Variants in GOPC observed in about 807,000 individuals in gnomAD.
GOPC encodes the protein golgi associated PDZ and coiled-coil motif containing.
A neutral mutation model predicts 51.2 loss-of-function variants in GOPC; 32 were observed. The observed-to-expected ratio is 0.63, with a 90% CI of 0.47 to 0.84. GOPC has a LOEUF of 0.84. Ranked by LOEUF, GOPC falls within the 40% of genes least tolerant of loss-of-function variation. The probability of loss-of-function intolerance (pLI) is 0.00; values close to 1 mark genes in which losing one functional copy is unlikely to be tolerated. For synonymous variants in GOPC, 190 were observed against 205.1 expected, an observed-to-expected ratio of 0.93 and a Z score of 0.63; for missense variants, 441 against 555.5, an observed-to-expected ratio of 0.79 and a Z score of 2.07.
intron 8 of GOPC, 35 bp from the exon 9 acceptor site, chr6:117,563,419 C>A: frequency 6.2e-7 from 1 of 1,608,718 alleles, no homozygotes; most frequent in Non-Finnish European, 8.5e-7. Flanking sequence ...CAGACACTTT[C>A]TGGTTTAAAA....
At chr6:117,581,473 AAAAAG>A (rs942364906) in intron 1 of GOPC, among the ~76,000 whole-genome samples, 2 of 152,046 alleles carry the variant, frequency 1.3e-5, no homozygotes, top group African/African-American at 4.8e-5. Flanking sequence ...TGAAAAAAAA[AAAAAG>A]GGCAGTGCTA....
At chr6:117,566,734 GCT>G in intron 8 of GOPC, 118 bp downstream of exon 8, 1 of 584,346 alleles carries the variant, frequency 1.7e-6, no homozygotes, top group Non-Finnish European at 2.9e-6. Context: ...ACAAGGGAAA[GCT>G]CTTCATTCCT....
intron 1 of GOPC, among the ~76,000 whole-genome samples, chr6:117,598,136 A>C (rs1054240241): frequency 5.9e-5 from 9 of 151,334 alleles, no homozygotes; most frequent in African/African-American, 1.9e-4. Context: ...AGGCAGGAGG[A>C]TCTCTTGAGC....
intron 1 of GOPC, among the ~76,000 whole-genome samples, chr6:117,597,898 TA>T (rs954996187): frequency 2.3e-3 from 319 of 139,900 alleles, no homozygotes; most frequent in Middle Eastern, 7.2e-3. Context: ...ATGAAAAGAT[TA>T]AAAAAAAAAA....
In GOPC at chr6:117,561,193, A is replaced by C. The variant is rs889652531; in HGVS notation, c.*2061T>G. ...TTCTATTTATCAGTCCTTAAAAGGA[A>C]TTTATATCATGACAATCTCACACAA... is the stretch of plus-strand genomic sequence containing the variant. On this transcript the variant is annotated 3_prime_UTR_variant, in exon 9 of 9. Coordinates refer to ENST00000368498, the MANE Select transcript of GOPC (RefSeq NM_020399.4). The C allele has an allele frequency of 2.7e-5, 6 of 222,970 alleles. No homozygotes were observed. Among genetic ancestry groups the C allele is most frequent in the African/African-American group, 1.3e-4 (6 of 44,748 alleles). 13.8% of individuals were successfully genotyped at this position (222,970 alleles called of 1,614,324 possible). A position where few individuals can be genotyped will look rare whatever the true frequency, so the allele number is the denominator to read the frequency against.
chr6:117,597,919 T>C (rs561563742), intron 1 of GOPC, among the ~76,000 whole-genome samples: 9 of 151,586 alleles, frequency 5.9e-5, no homozygotes, highest in South Asian at 2.1e-4. Flanking sequence ...AAGTGGTATA[T>C]ATACACAAAG....
chr6:117,572,679 C>T (rs1451643713), intron 5 of GOPC, among the ~76,000 whole-genome samples: 1 of 152,168 alleles, frequency 6.6e-6, no homozygotes, highest in Admixed American at 6.5e-5. Context: ...CGCTCCATTT[C>T]CCAAATCTAC....
rs529742460 is a variant in GOPC at position 117,572,182 on chromosome 6, T to C, written c.817-1227A>G. Among the ~76,000 whole-genome samples the C allele has an allele frequency of 7.6e-4, 115 of 152,268 alleles. 3 individuals are homozygous for C. Among genetic ancestry groups the C allele is most frequent in the Admixed American group, 7.2e-4 (11 of 15,282 alleles). On this transcript the variant is annotated intron_variant, in intron 5 of 8. Coordinates refer to ENST00000368498, the MANE Select transcript of GOPC (RefSeq NM_020399.4). ...TTGTCTAAAACTGATCTCATCATCT[T>C]TTCCCCAAATCCTTCCTTTTCTTCT...
In GOPC at chr6:117,601,499, C is replaced by T. The variant is rs537348191; in HGVS notation, c.285+505G>A. On this transcript the variant is annotated intron_variant, in intron 1 of 8. Coordinates refer to ENST00000368498, the MANE Select transcript of GOPC (RefSeq NM_020399.4). ...ACAGTGATACTATCGTTATGCACCACGAAATTTTCCTAAGAGCTTTGATCA... is the reference window on the plus strand; with the variant it reads ...ACAGTGATACTATCGTTATGCACCATGAAATTTTCCTAAGAGCTTTGATCA... 7.9e-5 allele frequency among the ~76,000 whole-genome samples: 12 copies of T among 152,236 alleles called. No homozygotes were observed. The South Asian group carries it at 2.5e-3, about 32-fold the overall frequency.
At chr6:117,586,195 C>G (rs1281448333) in intron 1 of GOPC, among the ~76,000 whole-genome samples, 2 of 152,076 alleles carry the variant, frequency 1.3e-5, no homozygotes, top group African/African-American at 2.4e-5. Flanking sequence ...CATCCATCTA[C>G]TTTTCAAAAG....
intron 1 of GOPC, among the ~76,000 whole-genome samples, chr6:117,583,632 G>A (rs530813785): frequency 2.0e-4 from 30 of 152,028 alleles, no homozygotes; most frequent in Non-Finnish European, 3.7e-4. Context: ...AGTCGTCATC[G>A]CTCTCTTTGG....
At chr6:117,601,900 G>C in intron 1 of GOPC, 104 bp downstream of exon 1, 1 of 1,275,174 alleles carries the variant, frequency 7.8e-7, no homozygotes, top group Non-Finnish European at 1.1e-6. Flanking sequence ...TTGAAGCCCC[G>C]GTGGGCAGTT....
intron 1 of GOPC, among the ~76,000 whole-genome samples, chr6:117,590,222 G>T (rs1228254573): frequency 6.6e-6 from 1 of 152,154 alleles, no homozygotes; most frequent in Non-Finnish European, 1.5e-5. Context: ...ACAATCTGGG[G>T]ACAAAAAGAT....
chr6:117,567,662 T>C (rs990984357), intron 7 of GOPC, among the ~76,000 whole-genome samples: 6 of 152,054 alleles, frequency 3.9e-5, no homozygotes, highest in African/African-American at 1.4e-4. Flanking sequence ...ACTATATTTA[T>C]ATATTTACTA....
intron 7 of GOPC, among the ~76,000 whole-genome samples, chr6:117,567,390 TCAG>T (rs1779720151): frequency 6.6e-6 from 1 of 152,178 alleles, no homozygotes; most frequent in Non-Finnish European, 1.5e-5. Context: ...ACACAGCAAT[TCAG>T]CAAATACATC....
Position 117,570,944 on chromosome 6 carries a change from G to C in GOPC, c.828C>G (p.Ser276=). The change falls in exon 6 of 9, where the codon TCC becomes TCG. Residue 276 remains serine (S), a synonymous_variant. Coordinates refer to ENST00000368498, the MANE Select transcript of GOPC (RefSeq NM_020399.4). ...MQAPPGHDQD[S]LKKSQGVGPI... is the part of the protein sequence containing the mutation. ...GACCAACACCTTGGCTTTTCTTTAG[G>C]GAATCTTGATCCTTATTGGGAGGAA... 1 of 1,585,898 alleles carries C rather than the reference G, an allele frequency of 6.3e-7. No individual in the cohort carries two copies. Among genetic ancestry groups the C allele is most frequent in the Non-Finnish European group, 8.6e-7 (1 of 1,159,280 alleles).
chr6:117,588,351 CT>C (rs1446960033), intron 1 of GOPC, among the ~76,000 whole-genome samples: 1 of 151,958 alleles, frequency 6.6e-6, no homozygotes, highest in Non-Finnish European at 1.5e-5. Context: ...TCTTGGCTCA[CT>C]GCAACCTCCA....
intron 8 of GOPC, 141 bp downstream of exon 8, chr6:117,566,713 T>A: frequency 9.1e-6 from 5 of 551,530 alleles, no homozygotes; most frequent in Non-Finnish European, 1.5e-5. Context: ...TAGTATACAA[T>A]AAAACAATAA....
At position 117,563,734 on chromosome 6, in the gene GOPC, TA is replaced by T. The variant is rs754335178; in HGVS notation, c.1259-351del. 8.2e-3 allele frequency among the ~76,000 whole-genome samples: 1,075 copies of T among 130,926 alleles called. 5 individuals are homozygous for T. The highest frequency in any genetic ancestry group is 0.023 in the East Asian group (106 of 4,546). The allele number at this position is 130,926 out of a possible 152,430, so 85.9% of individuals were successfully genotyped here. On this transcript the variant is annotated intron_variant, in intron 8 of 8. Coordinates refer to ENST00000368498, the MANE Select transcript of GOPC (RefSeq NM_020399.4). Reference sequence around the variant, plus strand: ...GAAACTCTGTCTCGATTAAAAAAATTAAAAAAAAAAAAAAAGTTAGTTGTAT... The same window carrying T: ...GAAACTCTGTCTCGATTAAAAAAATTAAAAAAAAAAAAAAGTTAGTTGTAT...
Sources: allele counts gnomAD v4.1 joint callset (sites outside exome capture counted in the v4.1 genomes callset), GRCh38; gene constraint gnomAD v4.1.1; transcripts MANE v1.5; gene names NCBI Gene and HGNC (gene_info 2026-07-23, HGNC 2026-07-21).